Variants in PRDM6 observed in about 807,000 individuals in gnomAD.
PRDM6 encodes the protein PR/SET domain 6, also known as putative histone-lysine N-methyltransferase PRDM6.
A neutral mutation model predicts 60.8 loss-of-function variants in PRDM6; 25 were observed. That is an observed-to-expected ratio of 0.41 (90% CI 0.30 to 0.57). The LOEUF is 0.57. PRDM6 is among the 20% of genes least tolerant of loss of function. PRDM6 has a pLI of 0.27. For missense variants in PRDM6, 839 were observed against 821.3 expected (o/e 1.02, Z -0.26); for synonymous variants, 407 against 357.4 (o/e 1.14, Z -1.57).
At chr5:123,177,414 A>G (rs1391364041) in intron 6 of PRDM6, among the ~76,000 whole-genome samples, 1 of 152,198 alleles carries the variant, frequency 6.6e-6, no homozygotes, top group Non-Finnish European at 1.5e-5. Context: ...ATACAGAATC[A>G]GCCTCTGCAA....
intron 2 of PRDM6, among the ~76,000 whole-genome samples, chr5:123,095,611 C>G (rs1297162005): frequency 6.6e-6 from 1 of 152,252 alleles, no homozygotes; most frequent in Admixed American, 6.5e-5. Context: ...GCCTGCGAGA[C>G]TGAGGGCCGC....
intron 3 of PRDM6, among the ~76,000 whole-genome samples, chr5:123,133,070 T>C (rs1449334351): frequency 6.6e-6 from 1 of 152,076 alleles, no homozygotes; most frequent in Non-Finnish European, 1.5e-5. Context: ...ACCTTGATAT[T>C]GATAACACAT....
intron 3 of PRDM6, 115 bp from the exon 4 acceptor site, chr5:123,155,769 G>C: frequency 3.3e-6 from 4 of 1,207,682 alleles, no homozygotes; most frequent in Non-Finnish European, 4.5e-6. Flanking sequence ...ATAAGCACTA[G>C]CAAACCTAAG....
chr5:123,168,428 A>G (rs892971350), intron 5 of PRDM6, among the ~76,000 whole-genome samples: 38 of 152,352 alleles, frequency 2.5e-4, no homozygotes, highest in African/African-American at 6.7e-4. Flanking sequence ...CTGAAAGCTA[A>G]AACTTGCCAC....
In PRDM6 at chr5:123,188,115, A is replaced by T. The variant is rs1766331065; in HGVS notation, c.*914A>T. On this transcript the variant is annotated 3_prime_UTR_variant, in exon 8 of 8. Coordinates refer to ENST00000407847, the MANE Select transcript of PRDM6 (RefSeq NM_001136239.4). Reference sequence around the variant, plus strand: ...TTCTGTGAAAGTGTTGAACATGTGAACAAAAATAGTGCCAAACCCCATCGT... The same window carrying T: ...TTCTGTGAAAGTGTTGAACATGTGATCAAAAATAGTGCCAAACCCCATCGT... 6.6e-6 allele frequency: 1 copy of T among 152,190 alleles called. No individual in the cohort carries two copies. The allele number at this position is 152,190 out of a possible 1,614,324, so 9.4% of individuals were successfully genotyped here. A position where few individuals can be genotyped will look rare whatever the true frequency, so the allele number is the denominator to read the frequency against.
chr5:123,115,302 G>C (rs1263641340), intron 3 of PRDM6, among the ~76,000 whole-genome samples: 3 of 152,112 alleles, frequency 2.0e-5, no homozygotes, highest in African/African-American at 7.2e-5. Context: ...GAACCATGGG[G>C]CCTTTATACT....
At chr5:123,127,860 C>A (rs1487065804) in intron 3 of PRDM6, among the ~76,000 whole-genome samples, 3 of 151,876 alleles carry the variant, frequency 2.0e-5, no homozygotes, top group African/African-American at 7.3e-5. Flanking sequence ...TGTTGGTTTG[C>A]TGGACCCATC....
chr5:123,090,569 C>A lies in PRDM6; in HGVS notation c.555C>A (p.Ile185=). The A allele has an allele frequency of 6.6e-7, 1 of 1,525,902 alleles. No individual in the cohort carries two copies. Among genetic ancestry groups the A allele is most frequent in the Admixed American group, 2.0e-5 (1 of 50,476 alleles). 94.5% of individuals were successfully genotyped at this position (1,525,902 alleles called of 1,614,324 possible). Residue 185 remains isoleucine, a synonymous_variant, in exon 2 of 8, where the codon ATC becomes ATA. Transcript: ENST00000407847. ...YYLYGQQRME[I]IPLNQHTSDP... Reference sequence around the variant, plus strand: ...TGTATGGCCAGCAGCGCATGGAGATCATCCCGCTCAACCAGCACACCAGCG... The same window carrying A: ...TGTATGGCCAGCAGCGCATGGAGATAATCCCGCTCAACCAGCACACCAGCG...
intron 3 of PRDM6, among the ~76,000 whole-genome samples, chr5:123,151,585 C>T (rs1398837312): frequency 6.6e-6 from 1 of 152,106 alleles, no homozygotes; most frequent in African/African-American, 2.4e-5. Context: ...GACGCCATTT[C>T]CTTCTGTATA....
At chr5:123,172,269 A>T (rs1017681780) in intron 6 of PRDM6, among the ~76,000 whole-genome samples, 1 of 152,154 alleles carries the variant, frequency 6.6e-6, no homozygotes, top group Non-Finnish European at 1.5e-5. Flanking sequence ...CAATTACAGG[A>T]TACATGTGCA....
At chr5:123,171,615 A>G (rs1765891267) in intron 6 of PRDM6, among the ~76,000 whole-genome samples, 1 of 152,182 alleles carries the variant, frequency 6.6e-6, no homozygotes, top group South Asian at 2.1e-4. Flanking sequence ...AAAAGGAAAT[A>G]CCTACTCTGC....
In PRDM6 at chr5:123,170,754, C is replaced by G; in HGVS notation, c.1154-12C>G. The G allele has an allele frequency of 6.6e-7, 1 of 1,522,340 alleles. No individual in the cohort carries two copies. The highest frequency in any genetic ancestry group is 1.2e-5 in the South Asian group (1 of 81,892). The allele number at this position is 1,522,340 out of a possible 1,614,324, so 94.3% of individuals were successfully genotyped here. Reference sequence around the variant, plus strand: ...ATAAAACTGTTCTTCTAAACTGTTGCTATTCTCCTAGTAAATGTCCCTTCA... The same window carrying G: ...ATAAAACTGTTCTTCTAAACTGTTGGTATTCTCCTAGTAAATGTCCCTTCA... On this transcript the variant is annotated splice_polypyrimidine_tract_variant and intron_variant, in intron 5 of 7. Transcript: ENST00000407847.
At position 123,090,260 on chromosome 5, in the gene PRDM6, G is replaced by C; in HGVS notation, c.246G>C (p.Thr82=). The C allele has an allele frequency of 3.4e-6, 5 of 1,459,174 alleles. No individual in the cohort carries two copies. Among genetic ancestry groups the C allele is most frequent in the Non-Finnish European group, 3.7e-6 (4 of 1,094,588 alleles). 90.4% of individuals were successfully genotyped at this position (1,459,174 alleles called of 1,614,324 possible). Residue 82 remains threonine, a synonymous_variant, in exon 2 of 8, where the codon ACG becomes ACC. Coordinates refer to ENST00000407847, the MANE Select transcript of PRDM6 (RefSeq NM_001136239.4). ...CCTCTCTCTCCTCCGCCTCGTCCAC[G>C]CCGGCTTCCTCTTCCACCTCCGCCT... The part of the protein sequence containing the change: ...RPASLSSASS[T]PASSSTSASS...
intron 7 of PRDM6, among the ~76,000 whole-genome samples, chr5:123,182,209 A>T (rs1766181163): frequency 6.6e-6 from 1 of 152,172 alleles, no homozygotes; most frequent in African/African-American, 2.4e-5. Flanking sequence ...CAGTGCTTGT[A>T]TCCTGCCTAG....
chr5:123,156,678 GC>G (rs1765507475), intron 4 of PRDM6, among the ~76,000 whole-genome samples: 1 of 152,168 alleles, frequency 6.6e-6, no homozygotes, highest in Non-Finnish European at 1.5e-5. Flanking sequence ...GCAGGGTGGA[GC>G]CATCCCCATT....
Position 123,189,975 on chromosome 5 carries a change from G to T in PRDM6, c.*2774G>T, listed in dbSNP as rs975600672. Reference sequence around the variant, plus strand: ...TTAAAGTGGACACACAGTCCCCTGGGATACAGCAAATGGGTGGTAGAAATT... The same window carrying T: ...TTAAAGTGGACACACAGTCCCCTGGTATACAGCAAATGGGTGGTAGAAATT... On this transcript the variant is annotated 3_prime_UTR_variant, in exon 8 of 8. Coordinates refer to ENST00000407847, the MANE Select transcript of PRDM6 (RefSeq NM_001136239.4). The T allele has an allele frequency of 6.6e-6, 1 of 152,212 alleles. No homozygotes were observed. The highest frequency in any genetic ancestry group is 2.1e-4 in the South Asian group (1 of 4,826). 9.4% of individuals were successfully genotyped at this position (152,212 alleles called of 1,614,324 possible). A position where few individuals can be genotyped will look rare whatever the true frequency, so the allele number is the denominator to read the frequency against.
At chr5:123,148,160 C>T (rs1052747717) in intron 3 of PRDM6, among the ~76,000 whole-genome samples, 3 of 152,198 alleles carry the variant, frequency 2.0e-5, no homozygotes, top group African/African-American at 4.8e-5. Flanking sequence ...TTAGTATTAT[C>T]TGCACACTCA....
chr5:123,168,057 T>A (rs1414204861), intron 5 of PRDM6, among the ~76,000 whole-genome samples: 1 of 152,220 alleles, frequency 6.6e-6, no homozygotes, highest in African/African-American at 2.4e-5. Flanking sequence ...TGCCAGAGCA[T>A]GGCAAAACAT....
chr5:123,101,008 G>A (rs928710328), intron 3 of PRDM6, among the ~76,000 whole-genome samples: 1 of 152,194 alleles, frequency 6.6e-6, no homozygotes, highest in Admixed American at 6.5e-5. Context: ...CAGGGGTCAG[G>A]TTGACATGAA....
Sources: allele counts gnomAD v4.1 joint callset (sites outside exome capture counted in the v4.1 genomes callset), GRCh38; gene constraint gnomAD v4.1.1; transcripts MANE v1.5; gene names NCBI Gene and HGNC (gene_info 2026-07-23, HGNC 2026-07-21).